Variants in RYR3 observed in about 807,000 individuals in gnomAD.
RYR3 encodes ryanodine receptor 3.
In RYR3, 207 loss-of-function variants were observed where a neutral mutation model predicts 584.3. That is an observed-to-expected ratio of 0.35 (90% CI 0.32 to 0.40). RYR3 has a LOEUF of 0.40. Among genes scored for constraint, RYR3 ranks in the 10% least tolerant of loss-of-function variants. The probability of loss-of-function intolerance (pLI) is 1.00; values close to 1 mark genes in which losing one functional copy is unlikely to be tolerated. For synonymous variants in RYR3, 2,416 were observed against 2,248.5 expected (o/e 1.07, Z -2.11); for missense variants, 5,616 against 6,089.2 (o/e 0.92, Z 2.59).
intron 17 of RYR3, among the ~76,000 whole-genome samples, chr15:33,601,799 TA>T (rs1247259426): frequency 6.6e-6 from 1 of 152,254 alleles, no homozygotes; most frequent in East Asian, 1.9e-4. Context: ...ATCTGAGTGC[TA>T]AAGAATTTGA....
At chr15:33,570,066 C>T (rs1487154026) in intron 12 of RYR3, among the ~76,000 whole-genome samples, 1 of 151,956 alleles carries the variant, frequency 6.6e-6, no homozygotes, top group Non-Finnish European at 1.5e-5. Context: ...TTTTGAAGCA[C>T]AAACGTTTTA....
chr15:33,610,205 C>T (rs1167062738), intron 18 of RYR3, among the ~76,000 whole-genome samples: 1 of 152,154 alleles, frequency 6.6e-6, no homozygotes, highest in Admixed American at 6.5e-5. Flanking sequence ...CCTTACCAAA[C>T]TCCAGCCATT....
intron 1 of RYR3, among the ~76,000 whole-genome samples, chr15:33,387,492 T>A (rs1170817542): frequency 6.6e-6 from 1 of 152,198 alleles, no homozygotes; most frequent in South Asian, 2.1e-4. Context: ...CACCAACACT[T>A]GTTATTTTCT....
intron 12 of RYR3, among the ~76,000 whole-genome samples, chr15:33,572,385 G>A (rs183915209): frequency 6.6e-6 from 1 of 152,060 alleles, no homozygotes; most frequent in Non-Finnish European, 1.5e-5. Context: ...GGACCTGTGT[G>A]TGTGGGCTGA....
At position 33,838,288 on chromosome 15, in the gene RYR3, C is replaced by G; in HGVS notation, c.12308C>G (p.Ser4103Cys). ...IFEMQLASQI[S>C]ESDSADRPEE... Reference sequence around the variant, plus strand: ...GAAATGCAGTTAGCATCTCAGATCTCTGAATCCGATTCAGCTGACAGGCCA... The same window carrying G: ...GAAATGCAGTTAGCATCTCAGATCTGTGAATCCGATTCAGCTGACAGGCCA... The change falls in exon 89 of 104, where the codon TCT becomes TGT. Residue 4103 changes from serine to cysteine, a missense_variant. Physicochemically the swap from Ser to Cys is moderately radical, Grantham distance 112 (BLOSUM62 -1). Around this residue, in one of 9 missense-constraint regions of RYR3, gnomAD observed 258 missense variants for 297.3 expected, o/e 0.87. Transcript: ENST00000634891. 2.5e-6 allele frequency: 4 copies of G among 1,614,016 alleles called. No homozygotes were observed. The highest frequency in any genetic ancestry group is 1.1e-5 in the South Asian group (1 of 91,084).
intron 1 of RYR3, among the ~76,000 whole-genome samples, chr15:33,399,163 T>A (rs1212362034): frequency 1.3e-5 from 2 of 152,190 alleles, no homozygotes. Context: ...CCCTTTTTTT[T>A]AAGTCTCTGC....
chr15:33,717,731 G>A (rs1030532728), intron 43 of RYR3, among the ~76,000 whole-genome samples: 1 of 152,158 alleles, frequency 6.6e-6, no homozygotes, highest in Non-Finnish European at 1.5e-5. Flanking sequence ...TCTGCTGCAG[G>A]TCCACAGGTC....
intron 1 of RYR3, among the ~76,000 whole-genome samples, chr15:33,376,734 T>G (rs2040775050): frequency 6.6e-6 from 1 of 152,356 alleles, no homozygotes. Flanking sequence ...TGTTCTCTTC[T>G]AGAAGTTTTA....
intron 37 of RYR3, among the ~76,000 whole-genome samples, chr15:33,670,038 G>A (rs2063749309): frequency 6.6e-6 from 1 of 152,082 alleles, no homozygotes; most frequent in South Asian, 2.1e-4. Context: ...TAATTGACAA[G>A]CTTTTCATTT....
At chr15:33,635,495 C>T (rs1401945243) in intron 25 of RYR3, 119 bp from the exon 26 acceptor site, 5 of 725,564 alleles carry the variant, frequency 6.9e-6, no homozygotes, top group Non-Finnish European at 1.2e-5. Context: ...TAGTAGTCGA[C>T]CTATGGTCAG....
At chr15:33,599,510 C>T (rs994311407) in intron 16 of RYR3, among the ~76,000 whole-genome samples, 2 of 152,162 alleles carry the variant, frequency 1.3e-5, no homozygotes, top group Non-Finnish European at 2.9e-5. Flanking sequence ...TGGAAGCGGA[C>T]AGGGAACTTC....
At chr15:33,588,308 T>C (rs1428763692) in intron 16 of RYR3, among the ~76,000 whole-genome samples, 2 of 152,332 alleles carry the variant, frequency 1.3e-5, no homozygotes, top group Middle Eastern at 3.4e-3. Flanking sequence ...TGAATATTCT[T>C]TCCAGTGTTT....
intron 1 of RYR3, among the ~76,000 whole-genome samples, chr15:33,424,379 G>T (rs1200065703): frequency 1.3e-5 from 2 of 152,204 alleles, no homozygotes; most frequent in East Asian, 3.8e-4. Context: ...TGCCTGCAGA[G>T]TTATTTTTCT....
intron 3 of RYR3, among the ~76,000 whole-genome samples, chr15:33,512,880 C>G (rs7179111): frequency 1.2e-3 from 179 of 152,258 alleles, no homozygotes; most frequent in African/African-American, 4.1e-3. Flanking sequence ...CTCCAGGACA[C>G]AATCTGTAGG....
At chr15:33,791,793 T>C (rs569708209) in intron 67 of RYR3, among the ~76,000 whole-genome samples, 10 of 152,066 alleles carry the variant, frequency 6.6e-5, no homozygotes, top group South Asian at 4.2e-4. Flanking sequence ...AAGGAGGTAA[T>C]TATAAAGATT....
chr15:33,483,390 T>C lies in RYR3; in HGVS notation c.171+9852T>C, dbSNP rs181718865. Among the ~76,000 whole-genome samples, 16 of 152,320 alleles carry C rather than the reference T, an allele frequency of 1.1e-4. No homozygotes were observed. The East Asian group carries it at 2.9e-3, about 28-fold the overall frequency. ...TATTTTTAAATTTTATACTGAACAT[T>C]GTAGATGATATTTTATAGTTATTCT... On this transcript the variant is annotated intron_variant, in intron 2 of 103. Coordinates refer to ENST00000634891, the MANE Select transcript of RYR3 (RefSeq NM_001036.6).
intron 16 of RYR3, among the ~76,000 whole-genome samples, 158 bp downstream of exon 16, chr15:33,586,274 C>G (rs750053810): frequency 2.2e-4 from 33 of 152,200 alleles, no homozygotes; most frequent in Admixed American, 4.6e-4. Context: ...TACAAGCACT[C>G]TCCAAGCTGG....
intron 50 of RYR3, among the ~76,000 whole-genome samples, chr15:33,739,116 A>G (rs559859216): frequency 6.8e-4 from 103 of 152,306 alleles, no homozygotes; most frequent in African/African-American, 2.4e-3. Context: ...GAACGGTGTG[A>G]TTGAAGTAGA....
At chr15:33,649,438 G>A (rs1003948061) in intron 31 of RYR3, among the ~76,000 whole-genome samples, 3 of 152,216 alleles carry the variant, frequency 2.0e-5, no homozygotes, top group African/African-American at 4.8e-5. Flanking sequence ...GTTTCATCAT[G>A]TGTATAAATC....
Sources: gnomAD v4.1 joint callset for allele counts (sites outside exome capture counted in the v4.1 genomes callset) on GRCh38, gnomAD v4.1.1 for gene constraint, gnomAD v4.1.1 regional missense constraint, MANE v1.5 for transcripts, NCBI Gene and HGNC (gene_info 2026-07-23, HGNC 2026-07-21) for gene names.